The following ESR2 variants were observed in gnomAD, a reference collection of about 807,000 sequenced individuals.
ESR2 encodes the protein estrogen receptor 2.
In ESR2, 36 loss-of-function variants were observed where a neutral mutation model predicts 49.6. The ratio of observed to expected loss-of-function variants is 0.73; its 90% CI spans 0.56 to 0.96. ESR2 has a LOEUF of 0.96. Ranked by LOEUF, ESR2 falls within the 40% of genes least tolerant of loss-of-function variation. The probability of loss-of-function intolerance (pLI) is 0.00; values close to 1 mark genes in which losing one functional copy is unlikely to be tolerated. For synonymous variants in ESR2, 320 were observed against 266.1 expected (o/e 1.20, Z -1.97); for missense variants, 714 against 693.0 (o/e 1.03, Z -0.34).
intron 6 of ESR2, among the ~76,000 whole-genome samples, chr14:64,254,244 C>T (rs1322581325): frequency 6.6e-6 from 1 of 152,158 alleles, no homozygotes; most frequent in African/African-American, 2.4e-5. Flanking sequence ...CAGTTATTTT[C>T]AAATGGTGTG....
intron 1 of ESR2, among the ~76,000 whole-genome samples, chr14:64,309,674 C>T (rs1334136013): frequency 6.7e-6 from 1 of 149,894 alleles, no homozygotes; most frequent in East Asian, 2.0e-4. Context: ...TCTCACTTAA[C>T]AAGACTGGGT....
intron 1 of ESR2, among the ~76,000 whole-genome samples, chr14:64,292,765 T>A (rs1458935140): frequency 6.6e-6 from 1 of 152,224 alleles, no homozygotes; most frequent in Non-Finnish European, 1.5e-5. Flanking sequence ...AACATATCAA[T>A]ATCTATTAAA....
chr14:64,227,918 T>G, downstream of ESR2: 2 of 1,597,662 alleles, frequency 1.3e-6, no homozygotes, highest in Non-Finnish European at 1.7e-6. Context: ...AATGAATTGC[T>G]TTTCTCCCCA....
intron 1 of ESR2, among the ~76,000 whole-genome samples, chr14:64,315,302 G>A (rs2077240736): frequency 6.9e-6 from 1 of 145,164 alleles, no homozygotes. Flanking sequence ...CCAGTATTCA[G>A]AATGCAAGGT....
At chr14:64,325,654 T>G (rs2077380100) in intron 1 of ESR2, among the ~76,000 whole-genome samples, 1 of 152,176 alleles carries the variant, frequency 6.6e-6, no homozygotes, top group Non-Finnish European at 1.5e-5. Context: ...ATAACGTGGA[T>G]TTTCTTCTAC....
At chr14:64,308,484 T>C (rs928834941) in intron 1 of ESR2, among the ~76,000 whole-genome samples, 2 of 152,202 alleles carry the variant, frequency 1.3e-5, no homozygotes, top group Non-Finnish European at 2.9e-5. Context: ...TCCAAACATT[T>C]GGAGATTTTC....
intron 1 of ESR2, among the ~76,000 whole-genome samples, chr14:64,284,977 G>A (rs533531615): frequency 6.6e-6 from 1 of 151,922 alleles, no homozygotes; most frequent in Admixed American, 6.5e-5. Flanking sequence ...AGCATCCCGA[G>A]TAGCTGGGAT....
intron 7 of ESR2, among the ~76,000 whole-genome samples, chr14:64,244,353 T>C (rs562125854): frequency 6.7e-6 from 1 of 149,912 alleles, no homozygotes; most frequent in South Asian, 2.1e-4. Flanking sequence ...TGAGCCAAGA[T>C]GGCACCACTG....
At chr14:64,267,004 C>T (rs543209922) in intron 4 of ESR2, among the ~76,000 whole-genome samples, 23 of 152,310 alleles carry the variant, frequency 1.5e-4, no homozygotes, top group African/African-American at 4.3e-4. Flanking sequence ...CCTCAGCCTC[C>T]CAAGTAGCTG....
intron 7 of ESR2, among the ~76,000 whole-genome samples, chr14:64,238,885 C>T (rs529281960): frequency 6.6e-6 from 1 of 152,174 alleles, no homozygotes; most frequent in African/African-American, 2.4e-5. Context: ...GCTCCTCTCA[C>T]CAGCCCACCT....
At position 64,311,698 on chromosome 14, in the gene ESR2, C is replaced by CA. The variant is rs1251347039; in HGVS notation, c.-91+26199dup. Among the ~76,000 whole-genome samples, 3 of 148,808 alleles carry CA rather than the reference C, an allele frequency of 2.0e-5. 1 individual carries two copies. The Admixed American group carries it at 2.0e-4, about 10-fold the overall frequency. On this transcript the variant is annotated intron_variant, in intron 1 of 8. Transcript: ENST00000358599. Reference sequence around the variant, plus strand: ...GCATGGTGGTGCATGCCTGTAGTACCAGCTATTTGGTAGGCTGAGCAGGGG... The same window carrying CA: ...GCATGGTGGTGCATGCCTGTAGTACCAAGCTATTTGGTAGGCTGAGCAGGGG...
rs2076768833 is a variant in ESR2, at chr14:64,285,492, C to T, written c.-90-2417G>A. 2.0e-5 allele frequency among the ~76,000 whole-genome samples: 3 copies of T among 152,034 alleles called. No homozygotes were observed. The South Asian group carries it at 6.2e-4, about 32-fold the overall frequency. ...TAATCACTTACATACAAACCTAATCCTGCTTATCAGAACTACCTTGAACCC... is the reference window on the plus strand; with the variant it reads ...TAATCACTTACATACAAACCTAATCTTGCTTATCAGAACTACCTTGAACCC... On this transcript the variant is annotated intron_variant, in intron 1 of 8. Coordinates refer to ENST00000341099, the MANE Select transcript of ESR2 (RefSeq NM_001437.3).
chr14:64,247,099 T>C (rs762317503), intron 7 of ESR2, among the ~76,000 whole-genome samples: 13 of 152,202 alleles, frequency 8.5e-5, no homozygotes, highest in Non-Finnish European at 1.5e-4. Flanking sequence ...AGCTAATGTA[T>C]GGTCTGTTGC....
At chr14:64,262,987 G>A (rs1017838152) in intron 4 of ESR2, among the ~76,000 whole-genome samples, 1 of 152,144 alleles carries the variant, frequency 6.6e-6, no homozygotes, top group South Asian at 2.1e-4. Flanking sequence ...ATAAAAATGT[G>A]ATCAACTCCT....
chr14:64,293,622 GA>G (rs2076906986), intron 1 of ESR2, among the ~76,000 whole-genome samples: 2 of 152,296 alleles, frequency 1.3e-5, no homozygotes, highest in South Asian at 4.1e-4. Context: ...CATGGCTAAG[GA>G]ATGCCAATTA....
At chr14:64,266,328 TC>T (rs2076326369) in intron 4 of ESR2, among the ~76,000 whole-genome samples, 1 of 152,212 alleles carries the variant, frequency 6.6e-6, no homozygotes, top group South Asian at 2.1e-4. Flanking sequence ...ATATCTCTGT[TC>T]AGAGACATGA....
In ESR2 at chr14:64,276,610, A is replaced by C. The variant is rs141864105; in HGVS notation, c.535+3371T>G. 1.0e-3 allele frequency among the ~76,000 whole-genome samples: 159 copies of C among 152,316 alleles called. 5 individuals are homozygous for C. In the East Asian group the frequency reaches 0.027, roughly 26 times the overall value. ...ACTCTGACCCCACAGATTTGTTCTA[A>C]AAACATATCCAGAGAAACTTATTTT... On this transcript the variant is annotated intron_variant, in intron 3 of 8. Coordinates refer to ENST00000341099, the MANE Select transcript of ESR2 (RefSeq NM_001437.3).
intron 3 of ESR2, among the ~76,000 whole-genome samples, chr14:64,277,173 G>A (rs542404380): frequency 4.7e-4 from 72 of 152,232 alleles, no homozygotes; most frequent in African/African-American, 1.6e-3. Flanking sequence ...TCACTCTGAT[G>A]GCAACTCATT....
At chr14:64,298,952 C>A (rs1362440005), upstream of ESR2, among the ~76,000 whole-genome samples, 1 of 151,232 alleles carries the variant, frequency 6.6e-6, no homozygotes, top group African/African-American at 2.4e-5. Flanking sequence ...GAGAAACTAG[C>A]CCCTAGAGGT....
Sources: allele counts gnomAD v4.1 joint callset (sites outside exome capture counted in the v4.1 genomes callset), GRCh38; gene constraint gnomAD v4.1.1; transcripts MANE v1.5; gene names NCBI Gene and HGNC (gene_info 2026-07-23, HGNC 2026-07-21).